GPHN: variants seen among roughly 807,000 people sequenced by gnomAD.
The protein encoded by GPHN is gephyrin.
GPHN carries 17 observed loss-of-function variants against 95.5 expected under a neutral mutation model. The observed-to-expected ratio is 0.18, with a 90% CI of 0.12 to 0.27. The LOEUF is 0.27. Among genes scored for constraint, GPHN ranks in the 10% least tolerant of loss-of-function variants. The probability of loss-of-function intolerance (pLI) is 1.00; values close to 1 mark genes in which losing one functional copy is unlikely to be tolerated. For synonymous variants in GPHN, 320 were observed against 322.5 expected, an observed-to-expected ratio of 0.99 and a Z score of 0.08; for missense variants, 660 against 978.1, an observed-to-expected ratio of 0.67 and a Z score of 4.34.
the GPHN span, among the ~76,000 whole-genome samples, chr14:67,413,257 C>T: frequency 5.3e-5 from 8 of 152,198 alleles, no homozygotes; most frequent in East Asian, 1.6e-3. Flanking sequence ...CACAGTCACA[C>T]ATTTTTTTAA....
intron 2 of GPHN, among the ~76,000 whole-genome samples, chr14:66,686,046 C>G (rs2067335257): frequency 6.6e-6 from 1 of 152,162 alleles, no homozygotes; most frequent in Non-Finnish European, 1.5e-5. Context: ...TGTCAAAGAT[C>G]AGATGGTTGT....
the GPHN span, among the ~76,000 whole-genome samples, chr14:67,544,411 A>C: frequency 6.6e-6 from 1 of 152,214 alleles, no homozygotes; most frequent in South Asian, 2.1e-4. Context: ...ACAAGACCTC[A>C]ATTCAGATCA....
At chr14:66,915,320 A>G (rs1168162601) in intron 5 of GPHN, among the ~76,000 whole-genome samples, 1 of 152,186 alleles carries the variant, frequency 6.6e-6, no homozygotes, top group Non-Finnish European at 1.5e-5. Flanking sequence ...CAACCAGTCA[A>G]TGACAGCATA....
intron 9 of GPHN, among the ~76,000 whole-genome samples, chr14:66,993,467 A>G (rs1228574270): frequency 1.3e-5 from 2 of 152,162 alleles, no homozygotes; most frequent in Non-Finnish European, 2.9e-5. Context: ...TTATTACTTC[A>G]TTACGTCTTA....
At chr14:67,347,430 G>A in the GPHN span, 40 of 1,607,304 alleles carry the variant, frequency 2.5e-5, no homozygotes, top group Non-Finnish European at 3.3e-5. Context: ...TCATGGTAAT[G>A]TTCAAATACT....
the GPHN span, chr14:67,542,032 A>C: frequency 6.4e-7 from 1 of 1,559,460 alleles, no homozygotes; most frequent in Non-Finnish European, 8.7e-7. Flanking sequence ...CTCCACACGC[A>C]GAGGTTTATG....
intron 11 of GPHN, among the ~76,000 whole-genome samples, chr14:67,063,987 G>A (rs1224744770): frequency 1.3e-5 from 2 of 152,148 alleles, no homozygotes; most frequent in Non-Finnish European, 2.9e-5. Context: ...GGAGTGGTGA[G>A]AGAAGACATC....
the GPHN span, chr14:67,647,827 A>C: frequency 3.6e-6 from 2 of 558,062 alleles, no homozygotes; most frequent in Non-Finnish European, 6.4e-6. Context: ...GGTATGCAGA[A>C]CAAATGGCAG....
intron 1 of GPHN, among the ~76,000 whole-genome samples, chr14:66,654,236 G>T (rs1309011562): frequency 6.6e-6 from 1 of 151,958 alleles, no homozygotes; most frequent in East Asian, 1.9e-4. Flanking sequence ...CCAAGTAGCT[G>T]GGATTACAGA....
the GPHN span, among the ~76,000 whole-genome samples, chr14:67,287,481 A>G: frequency 2.6e-5 from 4 of 152,216 alleles, no homozygotes; most frequent in African/African-American, 9.6e-5. Context: ...TGAAAGAAGA[A>G]ATTCAAATGG....
At chr14:67,576,651 G>C in the GPHN span, 29 of 546,256 alleles carry the variant, frequency 5.3e-5, no homozygotes, top group Non-Finnish European at 9.2e-5. The surrounding 1 kb of genome is among the most constrained non-coding windows in gnomAD (Gnocchi z 4.0). Flanking sequence ...CAAGCTCCAG[G>C]GCCCCTCTGT....
chr14:66,579,607 G>A (rs2061069031), intron 1 of GPHN, among the ~76,000 whole-genome samples: 1 of 151,798 alleles, frequency 6.6e-6, no homozygotes. Context: ...AAGAGGCACA[G>A]AAGATTATTA....
chr14:66,573,605 T>C (rs1595036401), intron 1 of GPHN, among the ~76,000 whole-genome samples: 1 of 151,940 alleles, frequency 6.6e-6, no homozygotes, highest in Admixed American at 6.6e-5. Flanking sequence ...GGCAGGCGCC[T>C]GCCACCACGC....
the GPHN span, chr14:67,576,034 C>T: frequency 5.2e-6 from 8 of 1,539,328 alleles, no homozygotes; most frequent in East Asian, 2.3e-5. This position sits in a 1 kb window ranked among gnomAD's most constrained non-coding sequence, Gnocchi z 4.0. Context: ...CCTCCAGGGC[C>T]AAGCTTGGAC....
chr14:66,941,124 T>G (rs1418623947), intron 8 of GPHN, among the ~76,000 whole-genome samples: 1 of 151,554 alleles, frequency 6.6e-6, no homozygotes, highest in African/African-American at 2.4e-5. Context: ...GAGCTACAGC[T>G]GGAGATTGCT....
At chr14:66,910,722 A>T (rs1323424768) in intron 5 of GPHN, among the ~76,000 whole-genome samples, 2 of 152,020 alleles carry the variant, frequency 1.3e-5, no homozygotes, top group Non-Finnish European at 2.9e-5. Flanking sequence ...CATATACAAA[A>T]GGCACAAACT....
At chr14:67,372,889 C>T in the GPHN span, among the ~76,000 whole-genome samples, 5 of 151,364 alleles carry the variant, frequency 3.3e-5, no homozygotes, top group East Asian at 1.9e-4. Flanking sequence ...TTTAAAGGAG[C>T]GAAAGTTTTG....
chr14:67,639,747 C>A, the GPHN span, among the ~76,000 whole-genome samples: 1 of 151,910 alleles, frequency 6.6e-6, no homozygotes, highest in Non-Finnish European at 1.5e-5. Context: ...ATGGCGAAAC[C>A]CTGTCTCTAC....
the GPHN span, chr14:67,208,256 A>G: frequency 1.3e-5 from 21 of 1,613,948 alleles, no homozygotes; most frequent in Admixed American, 3.3e-5. Context: ...AAAAAGTAAG[A>G]GTGAGTTGAA....
Sources: gnomAD v4.1 joint callset for allele counts (sites outside exome capture counted in the v4.1 genomes callset) on GRCh38, gnomAD v4.1.1 for gene constraint, Gnocchi (gnomAD v3.1) non-coding constraint, MANE v1.5 for transcripts, NCBI Gene and HGNC (gene_info 2026-07-23, HGNC 2026-07-21) for gene names.